Variants in PCDHGA8 observed in about 807,000 individuals in gnomAD.
PCDHGA8 encodes the protein protocadherin gamma subfamily A, 8.
A neutral mutation model predicts 59.2 loss-of-function variants in PCDHGA8; 45 were observed. The ratio of observed to expected loss-of-function variants is 0.76; its 90% CI spans 0.60 to 0.98. The LOEUF is 0.98. Among genes scored for constraint, PCDHGA8 ranks in the 50% least tolerant of loss-of-function variants. The probability of loss-of-function intolerance (pLI) is 0.00; values close to 1 mark genes in which losing one functional copy is unlikely to be tolerated. For synonymous variants in PCDHGA8, 531 were observed against 519.0 expected, an observed-to-expected ratio of 1.02 and a Z score of -0.32; for missense variants, 1,257 against 1,196.2, an observed-to-expected ratio of 1.05 and a Z score of -0.75.
intron 1 of PCDHGA8, among the ~76,000 whole-genome samples, chr5:141,472,908 C>T (rs1369506606): frequency 1.3e-5 from 2 of 149,744 alleles, no homozygotes; most frequent in African/African-American, 2.5e-5. Context: ...ATTGCTTGAA[C>T]CCAAGAGGAG....
intron 2 of PCDHGA8, among the ~76,000 whole-genome samples, chr5:141,497,977 G>A (rs1368982839): frequency 6.6e-6 from 1 of 152,216 alleles, no homozygotes; most frequent in Admixed American, 6.5e-5. Context: ...CTCGATGTGG[G>A]AGGCCCCTGC....
intron 1 of PCDHGA8, chr5:141,404,513 G>A: frequency 1.2e-6 from 2 of 1,613,786 alleles, no homozygotes; most frequent in Non-Finnish European, 1.7e-6. Context: ...GTGCTCCTTT[G>A]ACTATGAGCA....
At chr5:141,466,034 A>T (rs189202430) in intron 1 of PCDHGA8, among the ~76,000 whole-genome samples, 1,557 of 152,178 alleles carry the variant, frequency 0.01, 35 homozygotes, top group African/African-American at 0.035. Flanking sequence ...AGGCAGGAGA[A>T]CGGCATGAAC....
chr5:141,487,031 G>A lies in PCDHGA8; in HGVS notation c.2425-7776G>A, dbSNP rs749130369. 1.2e-6 allele frequency: 2 copies of A among 1,614,182 alleles called. No homozygotes were observed. Among genetic ancestry groups the A allele is most frequent in the Non-Finnish European group, 1.7e-6 (2 of 1,180,028 alleles). On this transcript the variant is annotated intron_variant, in intron 1 of 3. Coordinates refer to ENST00000398604, the MANE Select transcript of PCDHGA8 (RefSeq NM_032088.2). The surrounding 1 kb of genome is among the most constrained non-coding windows in gnomAD (Gnocchi z 5.0). ...GGAGGCCCCAGATCCCAGCCTGTTT[G>A]CAGTCTCTCGATATGCTGGGGAGGT...
intron 1 of PCDHGA8, chr5:141,415,388 G>A (rs752789407): frequency 1.2e-6 from 2 of 1,614,236 alleles, no homozygotes; most frequent in Non-Finnish European, 1.7e-6. Context: ...GGCTTGACAG[G>A]TGTGTCCGGC....
chr5:141,492,396 A>G (rs1400291073), intron 1 of PCDHGA8, among the ~76,000 whole-genome samples: 1 of 152,188 alleles, frequency 6.6e-6, no homozygotes, highest in Non-Finnish European at 1.5e-5. Flanking sequence ...GTCCACTCGC[A>G]GCTCCCCTCT....
At chr5:141,448,150 C>T (rs1182411283) in intron 1 of PCDHGA8, among the ~76,000 whole-genome samples, 4 of 151,924 alleles carry the variant, frequency 2.6e-5, no homozygotes, top group Non-Finnish European at 5.9e-5. Flanking sequence ...CTCAGACTCA[C>T]CCCTGAAAGA....
intron 1 of PCDHGA8, among the ~76,000 whole-genome samples, chr5:141,429,387 T>TAA (rs11410533): frequency 2.6e-5 from 4 of 151,334 alleles, no homozygotes; most frequent in African/African-American, 4.9e-5. Flanking sequence ...GTTTTTTTTT[T>TAA]AAAAAAAATT....
chr5:141,427,712 C>T, intron 1 of PCDHGA8: 2 of 1,051,468 alleles, frequency 1.9e-6, no homozygotes, highest in African/African-American at 1.6e-5. Context: ...GCGCCTCTGA[C>T]CTGGACCTAG....
rs761905572 is a variant in PCDHGA8 at position 141,486,493 on chromosome 5, T to A, written c.2425-8314T>A. The A allele has an allele frequency of 2.5e-6, 4 of 1,614,136 alleles. No homozygotes were observed. The highest frequency in any genetic ancestry group is 1.7e-4 in the Middle Eastern group (1 of 6,060). On this transcript the variant is annotated intron_variant, in intron 1 of 3. Transcript: ENST00000398604. This position sits in a 1 kb window ranked among gnomAD's most constrained non-coding sequence, Gnocchi z 5.0. ...ACCCTCCTCTCAGTACCCACAGAAC[T>A]ATTTTCCTCAATATTTCAGATGTGA... is the stretch of plus-strand genomic sequence containing the variant.
intron 1 of PCDHGA8, chr5:141,421,396 C>T: frequency 2.5e-6 from 4 of 1,614,036 alleles, no homozygotes; most frequent in South Asian, 1.1e-5. Context: ...GGGGCTGGAG[C>T]CCCGGGAGCT....
intron 1 of PCDHGA8, chr5:141,404,584 C>T: frequency 6.2e-7 from 1 of 1,613,980 alleles, no homozygotes; most frequent in Non-Finnish European, 8.5e-7. Flanking sequence ...CACTTAGCAG[C>T]AATGTGTCAT....
In PCDHGA8 at chr5:141,491,163, C is replaced by T; in HGVS notation, c.2425-3644C>T. On this transcript the variant is annotated intron_variant, in intron 1 of 3. Transcript: ENST00000398604. The surrounding 1 kb of genome is among the most constrained non-coding windows in gnomAD (Gnocchi z 6.9). ...CCTTACTGGAGGATGACTCTGACAC[C>T]CAGCAGGTGGTGGTCCTGGTGAGGG... is the stretch of plus-strand genomic sequence containing the variant. 1 of 1,614,092 alleles carries T rather than the reference C, an allele frequency of 6.2e-7. No homozygotes were observed. Among genetic ancestry groups the T allele is most frequent in the Non-Finnish European group, 8.5e-7 (1 of 1,179,950 alleles).
intron 1 of PCDHGA8, chr5:141,409,635 AC>A: frequency 6.2e-7 from 1 of 1,613,784 alleles, no homozygotes; most frequent in Non-Finnish European, 8.5e-7. Context: ...AGCGCCTCTG[AC>A]CCGGATTTGG....
intron 1 of PCDHGA8, chr5:141,471,553 TG>T (rs1217142933): frequency 6.6e-6 from 1 of 152,224 alleles, no homozygotes; most frequent in African/African-American, 2.4e-5. Flanking sequence ...AAGGTTGCTT[TG>T]ACTCAGGGGT....
chr5:141,434,566 G>A (rs1280487112), intron 1 of PCDHGA8, among the ~76,000 whole-genome samples: 1 of 152,196 alleles, frequency 6.6e-6, no homozygotes, highest in African/African-American at 2.4e-5. Flanking sequence ...TTAAGGACAT[G>A]CCCCTGCTGC....
At chr5:141,492,834 G>T (rs544218873) in intron 1 of PCDHGA8, among the ~76,000 whole-genome samples, 36 of 152,332 alleles carry the variant, frequency 2.4e-4, no homozygotes, top group Non-Finnish European at 4.1e-4. Flanking sequence ...CCTTCCTCCC[G>T]CAGGAAGTGA....
rs1048686904 is a variant in PCDHGA8, at chr5:141,410,286, C to T, written c.2424+15049C>T. 3.7e-6 allele frequency: 6 copies of T among 1,613,916 alleles called. No homozygotes were observed. The African/African-American group carries it at 6.7e-5, about 18-fold the overall frequency. On this transcript the variant is annotated intron_variant, in intron 1 of 3. Transcript: ENST00000398604. Reference sequence around the variant, plus strand: ...GAACTGCAGTTTTACCTGGTGGTGGCCTTGGCCTTAATCTCAGTGCTCTTC... The same window carrying T: ...GAACTGCAGTTTTACCTGGTGGTGGTCTTGGCCTTAATCTCAGTGCTCTTC...
chr5:141,430,493 C>G (rs1232369484), intron 1 of PCDHGA8: 1 of 285,344 alleles, frequency 3.5e-6, no homozygotes, highest in African/African-American at 2.2e-5. Flanking sequence ...ACGAAATATC[C>G]TTTCTGGGAG....
Sources: allele counts gnomAD v4.1 joint callset (sites outside exome capture counted in the v4.1 genomes callset), GRCh38; gene constraint gnomAD v4.1.1; non-coding constraint Gnocchi (gnomAD v3.1); transcripts MANE v1.5; gene names NCBI Gene and HGNC (gene_info 2026-07-23, HGNC 2026-07-21).